Variants in TAB1 observed in about 807,000 individuals in gnomAD.
TAB1 encodes TGF-beta activated kinase 1 (MAP3K7) binding protein 1, also known as TGF-beta-activated kinase 1 and MAP3K7-binding protein 1.
Under a neutral mutation model 54.5 loss-of-function variants are expected in TAB1, and 30 were observed. The observed-to-expected ratio is 0.55, with a 90% CI of 0.41 to 0.75. The LOEUF (loss-of-function observed/expected upper bound fraction) is 0.75, where lower values mean the gene tolerates loss of function less well. TAB1 is among the 30% of genes least tolerant of loss of function. TAB1 has a pLI of 0.00. For missense variants in TAB1, 609 were observed against 683.2 expected, an observed-to-expected ratio of 0.89 and a Z score of 1.21; for synonymous variants, 289 against 286.9, an observed-to-expected ratio of 1.01 and a Z score of -0.07.
chr22:39,420,551 G>A (rs900420868), intron 7 of TAB1, among the ~76,000 whole-genome samples: 21 of 152,180 alleles, frequency 1.4e-4, no homozygotes, highest in African/African-American at 5.1e-4. Context: ...CGCGATCTAG[G>A]CAACTGAGTG....
In TAB1 at chr22:39,431,134, G is replaced by C; in HGVS notation, c.*912G>C. The C allele has an allele frequency of 1.0e-6, 1 of 985,890 alleles. No individual in the cohort carries two copies. The highest frequency in any genetic ancestry group is 4.7e-5 in the South Asian group (1 of 21,294). The allele number at this position is 985,890 out of a possible 1,614,324, so 61.1% of individuals were successfully genotyped here. A position where few individuals can be genotyped will look rare whatever the true frequency, so the allele number is the denominator to read the frequency against. On this transcript the variant is annotated 3_prime_UTR_variant, in exon 11 of 11. Transcript: ENST00000216160. ...AAGCAGGGGTTGTGAGTCAGGCTGG[G>C]GGACTTGTTTGAAAGAAAGAGGAGT...
Position 39,430,633 on chromosome 22 carries a change from TCAC to T in TAB1, c.*413_*415del. On this transcript the variant is annotated 3_prime_UTR_variant, in exon 11 of 11. Coordinates refer to ENST00000216160, the MANE Select transcript of TAB1 (RefSeq NM_006116.3). The stretch of plus-strand genomic sequence containing the variant: ...CCCAAGCCCACCCCTCCTCCCACCA[TCAC>T]CTCCCTCACCTCGGGACAGTAGCCC... The T allele has an allele frequency of 1.6e-5, 11 of 679,676 alleles. No individual in the cohort carries two copies. Among genetic ancestry groups the T allele is most frequent in the Admixed American group, 9.0e-5 (2 of 22,146 alleles). The allele number at this position is 679,676 out of a possible 1,614,324, so 42.1% of individuals were successfully genotyped here.
At chr22:39,412,351 A>G (rs556798070) in intron 1 of TAB1, among the ~76,000 whole-genome samples, 1 of 152,252 alleles carries the variant, frequency 6.6e-6, no homozygotes, top group Admixed American at 6.5e-5. Flanking sequence ...TTAATATGAC[A>G]TTCTTAAAAA....
intron 1 of TAB1, among the ~76,000 whole-genome samples, chr22:39,409,487 A>G (rs1034184205): frequency 7.2e-5 from 11 of 152,190 alleles, no homozygotes; most frequent in Admixed American, 1.3e-4. Flanking sequence ...GTGCACACAT[A>G]TTTGCAAACA....
At chr22:39,425,082 A>T (rs1927261069) in intron 8 of TAB1, among the ~76,000 whole-genome samples, 1 of 151,996 alleles carries the variant, frequency 6.6e-6, no homozygotes, top group Admixed American at 6.6e-5. Context: ...AATAAATTAC[A>T]TGAGATTCGG....
At chr22:39,434,212 G>A (rs1319856462), downstream of TAB1, among the ~76,000 whole-genome samples, 3 of 152,274 alleles carry the variant, frequency 2.0e-5, no homozygotes, top group Non-Finnish European at 4.4e-5. Flanking sequence ...TGGGGAGACA[G>A]GTACAGGTGA....
chr22:39,433,699 C>T (rs898003520), downstream of TAB1: 6 of 985,302 alleles, frequency 6.1e-6, no homozygotes, highest in African/African-American at 3.5e-5. Context: ...CCACGATGCC[C>T]GTGTCGGGAT....
chr22:39,435,639 G>A (rs1449976681), downstream of TAB1, among the ~76,000 whole-genome samples: 2 of 152,186 alleles, frequency 1.3e-5, no homozygotes, highest in Non-Finnish European at 2.9e-5. Flanking sequence ...ACATGTAAGC[G>A]GCTCCCTGTG....
At chr22:39,434,750 A>G (rs1927722658), downstream of TAB1, among the ~76,000 whole-genome samples, 1 of 152,264 alleles carries the variant, frequency 6.6e-6, no homozygotes, top group Non-Finnish European at 1.5e-5. Flanking sequence ...CACCTGATCC[A>G]GCCCCTTCTT....
intron 1 of TAB1, among the ~76,000 whole-genome samples, chr22:39,404,137 G>A (rs974492757): frequency 4.6e-5 from 7 of 152,356 alleles, no homozygotes; most frequent in African/African-American, 1.7e-4. Context: ...TGTGAGGTGT[G>A]TGACAGAGGA....
Position 39,431,432 on chromosome 22 carries a change from A to G in TAB1, c.*1210A>G. 3.0e-6 allele frequency: 3 copies of G among 984,712 alleles called. No homozygotes were observed. The highest frequency in any genetic ancestry group is 1.8e-5 in the African/African-American group (1 of 57,082). 61.0% of individuals were successfully genotyped at this position (984,712 alleles called of 1,614,324 possible). A position where few individuals can be genotyped will look rare whatever the true frequency, so the allele number is the denominator to read the frequency against. On this transcript the variant is annotated 3_prime_UTR_variant, in exon 11 of 11. Coordinates refer to ENST00000216160, the MANE Select transcript of TAB1 (RefSeq NM_006116.3). ...CTGAGCCATTTTGTCAGTATCCAGG[A>G]CCCCCCGGATTCTCCACGCCCTCCC...
At chr22:39,406,879 C>T (rs1050107938) in intron 1 of TAB1, among the ~76,000 whole-genome samples, 3 of 152,102 alleles carry the variant, frequency 2.0e-5, no homozygotes, top group Non-Finnish European at 1.5e-5. Flanking sequence ...ATGATCTGCC[C>T]GCCTTGGCCT....
chr22:39,416,965 G>A (rs1228083701), intron 4 of TAB1, 88 bp downstream of exon 4: 11 of 1,335,212 alleles, frequency 8.2e-6, no homozygotes, highest in Non-Finnish European at 1.1e-5. Flanking sequence ...TGACATTACT[G>A]GGCCAGAGCA....
intron 1 of TAB1, among the ~76,000 whole-genome samples, chr22:39,410,986 G>A (rs1300902352): frequency 6.6e-6 from 1 of 152,278 alleles, no homozygotes; most frequent in African/African-American, 2.4e-5. Flanking sequence ...TGTAGTATTG[G>A]TGGAGGGGTA....
intron 1 of TAB1, among the ~76,000 whole-genome samples, chr22:39,413,041 A>G (rs1926674395): frequency 6.6e-6 from 1 of 151,804 alleles, no homozygotes; most frequent in South Asian, 2.1e-4. Flanking sequence ...CAGCCTCCAG[A>G]GTAGCTGGGA....
At chr22:39,400,415 CT>C (rs1475570295) in intron 1 of TAB1, among the ~76,000 whole-genome samples, 1 of 152,156 alleles carries the variant, frequency 6.6e-6, no homozygotes, top group Non-Finnish European at 1.5e-5. Flanking sequence ...CTGGGCTGTA[CT>C]AAAGGAATGA....
At chr22:39,424,326 T>C (rs1927224350) in intron 8 of TAB1, among the ~76,000 whole-genome samples, 1 of 152,202 alleles carries the variant, frequency 6.6e-6, no homozygotes, top group Non-Finnish European at 1.5e-5. Context: ...ATCTTTTTCA[T>C]ATAATGACTT....
intron 8 of TAB1, among the ~76,000 whole-genome samples, chr22:39,425,289 C>T (rs1601698237): frequency 6.6e-6 from 1 of 151,406 alleles, no homozygotes. Flanking sequence ...GAGGCTGAGG[C>T]GGGAGAATTC....
chr22:39,408,194 A>T (rs1373802195), intron 1 of TAB1, among the ~76,000 whole-genome samples: 1 of 152,258 alleles, frequency 6.6e-6, no homozygotes, highest in Non-Finnish European at 1.5e-5. Context: ...AGTACTTAGC[A>T]GTGTTGAAAT....
Sources: gnomAD v4.1 joint callset for allele counts (sites outside exome capture counted in the v4.1 genomes callset) on GRCh38, gnomAD v4.1.1 for gene constraint, MANE v1.5 for transcripts, NCBI Gene and HGNC (gene_info 2026-07-23, HGNC 2026-07-21) for gene names.